The following MCM9 variants were observed in gnomAD, a reference collection of about 807,000 sequenced individuals.
The protein encoded by MCM9 is DNA helicase MCM9.
Under a neutral mutation model 72.8 loss-of-function variants are expected in MCM9, and 55 were observed. The ratio of observed to expected loss-of-function variants is 0.76; its 90% CI spans 0.61 to 0.95. The LOEUF (loss-of-function observed/expected upper bound fraction) is 0.95, where lower values mean the gene tolerates loss of function less well. MCM9 is among the 40% of genes least tolerant of loss of function. The pLI is 0.00. For synonymous variants in MCM9, 480 were observed against 503.4 expected (o/e 0.95, Z 0.62); for missense variants, 1,279 against 1,377.0 (o/e 0.93, Z 1.13).
chr6:118,926,234 G>GT (rs1158092940), intron 3 of MCM9, among the ~76,000 whole-genome samples: 2 of 152,186 alleles, frequency 1.3e-5, no homozygotes, highest in Non-Finnish European at 1.5e-5. Context: ...TGAAAATGTT[G>GT]TAAGTTGAAA....
chr6:118,844,033 T>C (rs1775693074), intron 9 of MCM9, among the ~76,000 whole-genome samples: 1 of 151,446 alleles, frequency 6.6e-6, no homozygotes, highest in Non-Finnish European at 1.5e-5. Flanking sequence ...CTATTGTAGG[T>C]GGAGAAGTAG....
intron 3 of MCM9, among the ~76,000 whole-genome samples, chr6:118,930,766 A>C (rs1002724422): frequency 6.6e-6 from 1 of 152,170 alleles, no homozygotes; most frequent in Non-Finnish European, 1.5e-5. Context: ...CTAAATAAAA[A>C]TTGTTACACT....
rs1217730802 is a variant in MCM9 at position 118,816,268 on chromosome 6, G to A, written c.1988C>T (p.Ser663Phe). ...ERLQNQSVHQ[S>F]QPRVLEVETT... ...CTCTACCTCCAATACCCGTGGTTGG[G>A]ATTGGTGCACACTCTGATTCTGTAA... Residue 663 changes from serine (S) to phenylalanine (F), a missense_variant, in exon 14 of 14, where the codon TCC (serine) becomes TTC (phenylalanine). Physicochemically the swap from Ser to Phe is radical, Grantham distance 155 (BLOSUM62 -2). Coordinates refer to ENST00000619706, the MANE Select transcript of MCM9 (RefSeq NM_017696.3). 3 of 1,547,104 alleles carry A rather than the reference G, an allele frequency of 1.9e-6. No individual in the cohort carries two copies. Among genetic ancestry groups the A allele is most frequent in the East Asian group, 4.9e-5 (2 of 40,902 alleles).
In MCM9 at chr6:118,815,841, C is replaced by T. The variant is rs1300958266; in HGVS notation, c.2415G>A (p.Glu805=). 3.2e-6 allele frequency: 5 copies of T among 1,539,764 alleles called. No homozygotes were observed. The highest frequency in any genetic ancestry group is 4.4e-6 in the Non-Finnish European group (5 of 1,147,032). Residue 805 remains glutamate (E), a synonymous_variant, in exon 14 of 14, where the codon GAG becomes GAA. Transcript: ENST00000619706. ...TGTCTGCCCTCCATGGAACACCTGT[C>T]TCTCCTGGTGATGGAAGCAACCCAA... The part of the protein sequence containing the change: ...VDIGLLPSPG[E]TGVPWRADNV...
At position 118,911,666 on chromosome 6, in the gene MCM9, A is replaced by T. The variant is rs755062833; in HGVS notation, c.1134T>A (p.Ile378=). 6.2e-7 allele frequency: 1 copy of T among 1,612,084 alleles called. No individual in the cohort carries two copies. The highest frequency in any genetic ancestry group is 1.7e-5 in the Admixed American group (1 of 59,884). The stretch of plus-strand genomic sequence containing the variant: ...ATACAATACCTGCACTAGTAGATCC[A>T]ATTCCTGTGGTCAGCACAGATCTTG... The part of the protein sequence containing the change: ...ITPRSVLTTG[I]GSTSAGLTVT... Residue 378 remains isoleucine (I), a synonymous_variant, in exon 8 of 14, where the codon ATT becomes ATA. Transcript: ENST00000619706.
intron 10 of MCM9, among the ~76,000 whole-genome samples, chr6:118,828,490 A>C (rs1774318503): frequency 6.6e-6 from 1 of 151,992 alleles, no homozygotes; most frequent in South Asian, 2.1e-4. Context: ...GGATCAAGCA[A>C]TTCTCCTGCC....
chr6:118,859,963 C>T (rs1483502726), intron 8 of MCM9, among the ~76,000 whole-genome samples: 3 of 152,210 alleles, frequency 2.0e-5, no homozygotes, highest in Non-Finnish European at 4.4e-5. Context: ...CACTAAAAGG[C>T]TGAGACCTAA....
chr6:118,854,280 T>A (rs566641196), intron 9 of MCM9, among the ~76,000 whole-genome samples: 1 of 152,344 alleles, frequency 6.6e-6, no homozygotes, highest in East Asian at 1.9e-4. Context: ...AGAGCTGACA[T>A]CCTTAATTTG....
At chr6:118,923,233 G>A (rs2114374552) in intron 4 of MCM9, among the ~76,000 whole-genome samples, 1 of 151,828 alleles carries the variant, frequency 6.6e-6, no homozygotes, top group South Asian at 2.1e-4. Flanking sequence ...ACTTCATTTA[G>A]CACAGCAAAT....
chr6:118,875,872 T>A (rs980089521), intron 8 of MCM9, among the ~76,000 whole-genome samples: 1 of 152,156 alleles, frequency 6.6e-6, no homozygotes, highest in East Asian at 1.9e-4. Flanking sequence ...CCAGCAGCTG[T>A]GCTCCATGGT....
intron 9 of MCM9, among the ~76,000 whole-genome samples, chr6:118,837,451 T>C (rs147336317): frequency 0.019 from 2,959 of 152,290 alleles, 103 homozygotes; most frequent in African/African-American, 0.068. Flanking sequence ...TTGATCTGTC[T>C]AATATTGACA....
intron 9 of MCM9, among the ~76,000 whole-genome samples, chr6:118,843,680 ATATATGTGTATATATATATATATGTATG>A (rs1775625959): frequency 1.2e-5 from 1 of 81,718 alleles, no homozygotes; most frequent in African/African-American, 4.5e-5. Context: ...GTATGTATAT[ATATATGTGTATATATATATATATGTATG>A]TATATATATA....
At chr6:118,839,882 AG>A (rs1338613938) in intron 9 of MCM9, among the ~76,000 whole-genome samples, 4 of 152,172 alleles carry the variant, frequency 2.6e-5, no homozygotes, top group African/African-American at 9.7e-5. Flanking sequence ...GGTGTCTCCC[AG>A]TCAGGAGGCA....
chr6:118,833,796 GTTTT>G (rs954760326), intron 9 of MCM9, among the ~76,000 whole-genome samples: 1 of 152,076 alleles, frequency 6.6e-6, no homozygotes, highest in African/African-American at 2.4e-5. Flanking sequence ...GGAAATGGGA[GTTTT>G]TTTAAACAGG....
chr6:118,879,717 G>A (rs1778161791), intron 8 of MCM9, among the ~76,000 whole-genome samples: 1 of 150,860 alleles, frequency 6.6e-6, no homozygotes, highest in African/African-American at 2.5e-5. Context: ...TAATGTCCAT[G>A]TTGGGACATC....
intron 8 of MCM9, among the ~76,000 whole-genome samples, chr6:118,876,877 G>A (rs2114358588): frequency 6.6e-6 from 1 of 152,240 alleles, no homozygotes; most frequent in South Asian, 2.1e-4. Flanking sequence ...ATATACACAT[G>A]GCAAATAAGC....
At chr6:118,897,735 A>G (rs934090741) in intron 8 of MCM9, among the ~76,000 whole-genome samples, 3 of 152,118 alleles carry the variant, frequency 2.0e-5, no homozygotes, top group Non-Finnish European at 4.4e-5. Context: ...TAAATGAACA[A>G]ATTTCTTCAC....
chr6:118,822,522 C>T (rs1379092867), intron 13 of MCM9, among the ~76,000 whole-genome samples: 1 of 152,140 alleles, frequency 6.6e-6, no homozygotes, highest in Non-Finnish European at 1.5e-5. Flanking sequence ...AGCCTGATGC[C>T]AGCAGAGCTC....
At chr6:118,836,970 G>A (rs1208245427) in intron 9 of MCM9, among the ~76,000 whole-genome samples, 2 of 152,150 alleles carry the variant, frequency 1.3e-5, no homozygotes, top group African/African-American at 2.4e-5. Flanking sequence ...ATGTTGGGGT[G>A]CTGAATTTAG....
Sources: allele counts gnomAD v4.1 joint callset (sites outside exome capture counted in the v4.1 genomes callset), GRCh38; gene constraint gnomAD v4.1.1; transcripts MANE v1.5; gene names NCBI Gene and HGNC (gene_info 2026-07-23, HGNC 2026-07-21).